FGF13: variants seen among roughly 807,000 people sequenced by gnomAD.
The protein encoded by FGF13 is fibroblast growth factor homologous factor 2.
Under a neutral mutation model 19.5 loss-of-function variants are expected in FGF13, and 2 were observed. That is an observed-to-expected ratio of 0.10 (90% CI 0.04 to 0.32). FGF13 has a LOEUF of 0.32. Among genes scored for constraint, FGF13 ranks in the 10% least tolerant of loss-of-function variants. The probability of loss-of-function intolerance (pLI) is 1.00; values close to 1 mark genes in which losing one functional copy is unlikely to be tolerated. For synonymous variants in FGF13, 72 were observed against 76.9 expected (o/e 0.94, Z 0.33); for missense variants, 113 against 192.7 (o/e 0.59, Z 2.45).
chrX:139,133,613 A>G (rs1768723959), intron 1 of FGF13, among the ~76,000 whole-genome samples: 1 of 110,783 alleles, frequency 9.0e-6, no homozygotes, highest in African/African-American at 3.3e-5. Context: ...CATCACTGTC[A>G]CCTTAGGCCT....
rs889268477 is a variant in FGF13, at chrX:138,968,589, A to C, written c.-112-103939T>G. Reference sequence around the variant, plus strand: ...AAGTACTGTGAAGACAGAGTAGAAAAGATATAGTCCTGTTAAATAGAGAAT... The same window carrying C: ...AAGTACTGTGAAGACAGAGTAGAAACGATATAGTCCTGTTAAATAGAGAAT... On this transcript the variant is annotated intron_variant, in intron 1 of 2. Transcript: ENST00000421460. Among the ~76,000 whole-genome samples, 21 of 112,419 alleles carry C rather than the reference A, an allele frequency of 1.9e-4. 1 individual carries two copies. The highest frequency in any genetic ancestry group is 6.4e-4 in the African/African-American group (20 of 31,010).
Position 138,625,486 on chromosome X carries a change from T to TATATATATATACATATATATATA in FGF13, c.*7341_*7363dup, listed in dbSNP as rs2089052057. The TATATATATATACATATATATATA allele has an allele frequency of 1.1e-5, 1 of 91,529 alleles. No homozygotes were observed. The highest frequency in any genetic ancestry group is 4.3e-5 in the African/African-American group (1 of 23,141). The allele number at this position is 91,529 out of a possible 1,213,427, so 7.5% of individuals were successfully genotyped here. A position where few individuals can be genotyped will look rare whatever the true frequency, so the allele number is the denominator to read the frequency against. ...TATATATATACATATATATATATAA[T>TATATATATATACATATATATATA]ATATATATATACATATATATATATA... On this transcript the variant is annotated 3_prime_UTR_variant, in exon 5 of 5. Transcript: ENST00000315930.
chrX:138,865,257 A>G (rs1156979633), intron 1 of FGF13, among the ~76,000 whole-genome samples: 1 of 111,563 alleles, frequency 9.0e-6, no homozygotes, highest in African/African-American at 3.3e-5. Context: ...ACTTTTAAAA[A>G]CCAAAACACC....
intron 3 of FGF13, among the ~76,000 whole-genome samples, chrX:138,839,967 C>T (rs1019601817): frequency 8.9e-6 from 1 of 111,795 alleles, no homozygotes; most frequent in Non-Finnish European, 1.9e-5. Context: ...GCATTTCTAT[C>T]GAGATTATAG....
At chrX:138,809,766 T>G (rs2090905645) in intron 3 of FGF13, among the ~76,000 whole-genome samples, 1 of 111,594 alleles carries the variant, frequency 9.0e-6, no homozygotes, top group African/African-American at 3.3e-5. Context: ...AAAATCAAAG[T>G]GCAAAAATCA....
chrX:139,202,574 C>A (rs769593460), intron 1 of FGF13, among the ~76,000 whole-genome samples: 10 of 111,404 alleles, frequency 9.0e-5, no homozygotes, highest in South Asian at 3.8e-4. Context: ...ACTTCCGGAA[C>A]CTTCAGTCAC....
chrX:139,064,281 C>CTTTTTTTTTTTTTTTTTTTTTTTTTTT (rs139084376), intron 1 of FGF13, among the ~76,000 whole-genome samples: 1 of 23,161 alleles, frequency 4.3e-5, no homozygotes, highest in Non-Finnish European at 6.7e-5. Flanking sequence ...CTTTTTTTTT[C>CTTTTTTTTTTTTTTTTTTTTTTTTTTT]TTTTTTTTTT....
chrX:138,717,708 T>G (rs759448270), intron 1 of FGF13, among the ~76,000 whole-genome samples: 1 of 111,875 alleles, frequency 8.9e-6, no homozygotes, highest in South Asian at 3.8e-4. Flanking sequence ...CTCTAACTCC[T>G]GGGCTCAAGC....
chrX:139,109,271 G>A (rs754769758), intron 1 of FGF13, among the ~76,000 whole-genome samples: 24 of 111,535 alleles, frequency 2.2e-4, no homozygotes, highest in Non-Finnish European at 4.3e-4. Flanking sequence ...TCTGGGAGAT[G>A]CGACCAACTC....
At chrX:138,706,653 C>T (rs760092022) in intron 2 of FGF13, among the ~76,000 whole-genome samples, 2 of 111,454 alleles carry the variant, frequency 1.8e-5, no homozygotes, top group South Asian at 3.8e-4. Context: ...CTTGTATTCT[C>T]GTTATGCACA....
At chrX:138,658,734 C>CCTTG (rs1203439438) in intron 3 of FGF13, among the ~76,000 whole-genome samples, 1 of 111,368 alleles carries the variant, frequency 9.0e-6, no homozygotes, top group African/African-American at 3.3e-5. Flanking sequence ...ATGCTCTGAG[C>CCTTG]CTTGAGCTTC....
chrX:138,839,116 G>A (rs1257432270), intron 3 of FGF13, among the ~76,000 whole-genome samples: 1 of 110,829 alleles, frequency 9.0e-6, no homozygotes, highest in Admixed American at 9.6e-5. Flanking sequence ...TAAGGTAGGA[G>A]TGGGCTCCTG....
intron 1 of FGF13, among the ~76,000 whole-genome samples, chrX:139,142,967 T>G (rs1303060301): frequency 8.9e-6 from 1 of 111,884 alleles, no homozygotes; most frequent in Non-Finnish European, 1.9e-5. Context: ...TATTTGCAAG[T>G]AGAGGTCCTG....
intron 3 of FGF13, among the ~76,000 whole-genome samples, chrX:138,663,684 G>A (rs2089511399): frequency 1.8e-5 from 2 of 111,787 alleles, no homozygotes; most frequent in Admixed American, 1.9e-4. Context: ...AAATGGAGTT[G>A]TGGTTGTGGA....
In FGF13 at chrX:139,141,243, A is replaced by G. The variant is rs184907337; in HGVS notation, c.-113+62173T>C. On this transcript the variant is annotated intron_variant, in intron 1 of 2. Coordinates refer to the FGF13 transcript ENST00000421460. ...GGTTTCTTTACTATCTCCAAACTCC[A>G]CTCCACTAGAATATAAAATCCACAA... Among the ~76,000 whole-genome samples the G allele has an allele frequency of 3.0e-4, 33 of 109,832 alleles. 1 individual carries two copies. The highest frequency in any genetic ancestry group is 2.8e-3 in the Admixed American group (29 of 10,278).
chrX:139,136,756 A>C (rs1386042201), intron 1 of FGF13, among the ~76,000 whole-genome samples: 2 of 111,953 alleles, frequency 1.8e-5, no homozygotes, highest in East Asian at 5.6e-4. Flanking sequence ...CTCAGTGCCA[A>C]GGGTTTTTGG....
intron 3 of FGF13, among the ~76,000 whole-genome samples, chrX:138,787,983 G>C (rs1191175363): frequency 9.0e-6 from 1 of 111,610 alleles, no homozygotes; most frequent in Non-Finnish European, 1.9e-5. Context: ...CAAAATTCTT[G>C]TCCTTTCTAA....
chrX:139,146,438 T>C, intron 1 of FGF13, among the ~76,000 whole-genome samples: 1 of 112,128 alleles, frequency 8.9e-6, no homozygotes, highest in Non-Finnish European at 1.9e-5. Context: ...TCACACCAGT[T>C]AGCATGGCGA....
chrX:138,891,241 C>T (rs2091475559), intron 1 of FGF13, among the ~76,000 whole-genome samples: 1 of 111,611 alleles, frequency 9.0e-6, no homozygotes, highest in Non-Finnish European at 1.9e-5. Flanking sequence ...GCCGAGATTG[C>T]GCCACTGCAT....
Sources: allele counts gnomAD v4.1 joint callset (sites outside exome capture counted in the v4.1 genomes callset), GRCh38; gene constraint gnomAD v4.1.1; transcripts MANE v1.5; gene names NCBI Gene and HGNC (gene_info 2026-07-23, HGNC 2026-07-21).